Variants in UNC80 observed in about 807,000 individuals in gnomAD.
UNC80 encodes protein unc-80 homolog.
Under a neutral mutation model 384.6 loss-of-function variants are expected in UNC80, and 164 were observed. The ratio of observed to expected loss-of-function variants is 0.43; its 90% CI spans 0.38 to 0.49. The LOEUF (loss-of-function observed/expected upper bound fraction) is 0.49, where lower values mean the gene tolerates loss of function less well. UNC80 is among the 20% of genes least tolerant of loss of function. UNC80 has a pLI of 0.00. For synonymous variants in UNC80, 1,486 were observed against 1,527.8 expected (o/e 0.97, Z 0.64); for missense variants, 3,330 against 4,143.0 (o/e 0.80, Z 5.39).
At chr2:209,885,584 A>G (rs938289368) in intron 25 of UNC80, among the ~76,000 whole-genome samples, 1 of 152,052 alleles carries the variant, frequency 6.6e-6, no homozygotes, top group South Asian at 2.1e-4. Flanking sequence ...TCTCAAAGGG[A>G]TTAATTTCAG....
intron 29 of UNC80, among the ~76,000 whole-genome samples, chr2:209,907,952 G>A (rs1170472707): frequency 6.6e-6 from 1 of 152,186 alleles, no homozygotes; most frequent in African/African-American, 2.4e-5. Flanking sequence ...AAAAGGAAAG[G>A]GAAAGTAAAG....
rs548117121 is a variant in UNC80, at chr2:209,911,154, A to G, written c.4783-1406A>G. Among the ~76,000 whole-genome samples the G allele has an allele frequency of 2.0e-5, 3 of 150,210 alleles. No homozygotes were observed. The South Asian group carries it at 6.5e-4, about 32-fold the overall frequency. Reference sequence around the variant, plus strand: ...AGAGAATGAGTGCAAGCAGGGGTACATTTATTATTTTATAAATATAAATAA... The same window carrying G: ...AGAGAATGAGTGCAAGCAGGGGTACGTTTATTATTTTATAAATATAAATAA... On this transcript the variant is annotated intron_variant, in intron 29 of 64. Coordinates refer to ENST00000673920, the MANE Select transcript of UNC80 (RefSeq NM_001371986.1).
rs1301236628 is a variant in UNC80, at chr2:209,926,852, A to G, written c.5672A>G (p.His1891Arg). The G allele has an allele frequency of 2.6e-6, 4 of 1,552,128 alleles. No homozygotes were observed. The highest frequency in any genetic ancestry group is 2.4e-5 in the South Asian group (2 of 84,046). Residue 1891 changes from histidine (H) to arginine (R), a missense_variant, in exon 36 of 65, where the codon CAT (histidine) becomes CGT (arginine). Physicochemically the swap from His to Arg is conservative, Grantham distance 29 (BLOSUM62 0). Around this residue, in one of 8 missense-constraint regions of UNC80, gnomAD observed 1,049 missense variants for 1,488.6 expected, o/e 0.70. Transcript: ENST00000673920. ...RSAVSAEDEEHTTEHTPNHHV... is the reference protein window; with the variant it reads ...RSAVSAEDEERTTEHTPNHHV... ...TTGTCTCCCATTTTAGATGAGGAAC[A>G]TACCACTGAACACACGCCGAACCAC...
intron 19 of UNC80, 76 bp from the exon 20 acceptor site, chr2:209,840,466 G>C (rs1332070599): frequency 1.6e-6 from 2 of 1,250,594 alleles, no homozygotes; most frequent in African/African-American, 3.0e-5. Context: ...CGCTTGTTGG[G>C]CTTATGTTGA....
In UNC80 at chr2:209,959,507, G is replaced by T; in HGVS notation, c.7605G>T (p.Leu2535=). ...LHFIRENLHL[L]EEGQGIPREE... Reference sequence around the variant, plus strand: ...TTCCCAGGGAAAACCTTCATTTACTGGAGGAAGGGCAAGGCATTCCCAGAG... The same window carrying T: ...TTCCCAGGGAAAACCTTCATTTACTTGAGGAAGGGCAAGGCATTCCCAGAG... The change falls in exon 51 of 65, where the codon CTG becomes CTT. Residue 2535 remains leucine, a synonymous_variant. Coordinates refer to ENST00000673920, the MANE Select transcript of UNC80 (RefSeq NM_001371986.1). The T allele has an allele frequency of 6.4e-7, 1 of 1,551,642 alleles. No homozygotes were observed. The highest frequency in any genetic ancestry group is 8.7e-7 in the Non-Finnish European group (1 of 1,146,980).
At chr2:209,792,763 A>G (rs1318565108) in intron 6 of UNC80, among the ~76,000 whole-genome samples, 2 of 152,222 alleles carry the variant, frequency 1.3e-5, no homozygotes, top group Non-Finnish European at 2.9e-5. Flanking sequence ...TGTGGCCTCT[A>G]CAAAATTTAA....
chr2:209,972,531 A>C (rs1485098005), intron 55 of UNC80, among the ~76,000 whole-genome samples: 1 of 152,146 alleles, frequency 6.6e-6, no homozygotes, highest in Non-Finnish European at 1.5e-5. Context: ...ACTTCTTAGG[A>C]GATACGTCCT....
chr2:209,919,456 A>G (rs1174948780), intron 33 of UNC80, among the ~76,000 whole-genome samples: 1 of 152,204 alleles, frequency 6.6e-6, no homozygotes, highest in African/African-American at 2.4e-5. Context: ...CAGAAAAGTT[A>G]TATCACTTTG....
chr2:209,803,143 C>T lies in UNC80; in HGVS notation c.938+9284C>T, dbSNP rs541459012. On this transcript the variant is annotated intron_variant, in intron 7 of 64. Transcript: ENST00000673920. The stretch of plus-strand genomic sequence containing the variant: ...TAAGGTAACCTAATTATGGGAGTGA[C>T]ATCCCTTTACCTTTTCCATATTTTA... Among the ~76,000 whole-genome samples, 4 of 152,324 alleles carry T rather than the reference C, an allele frequency of 2.6e-5. No individual in the cohort carries two copies. In the South Asian group the frequency reaches 6.2e-4, roughly 24 times the overall value.
chr2:209,921,712 G>C (rs1356960432), intron 34 of UNC80, 26 bp downstream of exon 34: 1 of 1,516,442 alleles, frequency 6.6e-7, no homozygotes, highest in East Asian at 2.5e-5. Context: ...AGGACTTCTT[G>C]GGGGGCTGAG....
intron 59 of UNC80, 74 bp from the exon 60 acceptor site, chr2:209,982,104 CA>C: frequency 6.9e-7 from 1 of 1,453,374 alleles, no homozygotes; most frequent in African/African-American, 1.4e-5. Context: ...GGACAGAACC[CA>C]AGTACAGCTT....
At chr2:209,973,298 G>A in intron 56 of UNC80, 28 bp downstream of exon 56, 1 of 1,496,058 alleles carries the variant, frequency 6.7e-7, no homozygotes, top group South Asian at 1.2e-5. Flanking sequence ...CTCTCTCTCT[G>A]TTTGTGCATG....
At position 209,937,981 on chromosome 2, in the gene UNC80, C is replaced by A. The variant is rs758284550; in HGVS notation, c.6465+351C>A. On this transcript the variant is annotated intron_variant, in intron 42 of 64. Transcript: ENST00000673920. ...CACATAATGTAGCTATGTAAATTAT[C>A]CCAGTGGTTTACACTAGCTGGCTAC... 4.6e-5 allele frequency among the ~76,000 whole-genome samples: 7 copies of A among 151,840 alleles called. No individual in the cohort carries two copies. The Middle Eastern group carries it at 0.01, about 223-fold the overall frequency.
At chr2:209,919,860 C>T (rs2089895459) in intron 33 of UNC80, among the ~76,000 whole-genome samples, 1 of 152,186 alleles carries the variant, frequency 6.6e-6, no homozygotes, top group Admixed American at 6.5e-5. Context: ...TCTGAGCCAG[C>T]CACAATCTGT....
intron 13 of UNC80, among the ~76,000 whole-genome samples, chr2:209,824,475 A>C (rs2080365534): frequency 6.6e-6 from 1 of 152,140 alleles, no homozygotes; most frequent in African/African-American, 2.4e-5. Flanking sequence ...AGGTGAGGCA[A>C]AGAGACCTTT....
intron 42 of UNC80, among the ~76,000 whole-genome samples, chr2:209,938,676 GTCTC>G (rs10555565): frequency 0.036 from 5,001 of 137,146 alleles, 302 homozygotes; most frequent in East Asian, 0.26. Flanking sequence ...CCTAGTCTCT[GTCTC>G]TCTCTCTCTC....
chr2:209,841,388 G>A (rs1385937644), intron 20 of UNC80, among the ~76,000 whole-genome samples: 1 of 151,958 alleles, frequency 6.6e-6, no homozygotes, highest in South Asian at 2.1e-4. Flanking sequence ...ATGGAGACTC[G>A]ATCTGTGGCC....
Position 209,894,214 on chromosome 2 carries a change from G to C in UNC80, c.4328G>C (p.Gly1443Ala), listed in dbSNP as rs2086606187. The C allele has an allele frequency of 1.0e-6, 1 of 985,422 alleles. No homozygotes were observed. Among genetic ancestry groups the C allele is most frequent in the Non-Finnish European group, 1.2e-6 (1 of 829,928 alleles). The allele number at this position is 985,422 out of a possible 1,614,324, so 61.0% of individuals were successfully genotyped here. The change falls in exon 27 of 65, where the codon GGA becomes GCA. Residue 1443 changes from glycine (G) to alanine (A), a missense_variant. Gly to Ala is a moderately conservative substitution (Grantham distance 60). Transcript: ENST00000673920. ...IGGSRLLQIK[G>A]TRSFQVKKGG... ...GGTTCTCGCCTGCTCCAGATTAAAG[G>C]AACCCGCAGTTTCCAGGTGAAGAAG...
chr2:209,800,286 G>A (rs34687728), intron 7 of UNC80, among the ~76,000 whole-genome samples: 8,527 of 152,124 alleles, frequency 0.056, 364 homozygotes, highest in South Asian at 0.21. Flanking sequence ...TTTAGTCTTG[G>A]TAGGGTGTAT....
Sources: allele counts gnomAD v4.1 joint callset (sites outside exome capture counted in the v4.1 genomes callset), GRCh38; gene constraint gnomAD v4.1.1; regional missense constraint gnomAD v4.1.1; transcripts MANE v1.5; gene names NCBI Gene and HGNC (gene_info 2026-07-23, HGNC 2026-07-21).